The following RNF130 variants were observed in gnomAD, a reference collection of about 807,000 sequenced individuals.
The protein encoded by RNF130 is E3 ubiquitin-protein ligase RNF130.
RNF130 carries 21 observed loss-of-function variants against 44.6 expected under a neutral mutation model. That is an observed-to-expected ratio of 0.47 (90% CI 0.33 to 0.68). RNF130 has a LOEUF of 0.68. Among genes scored for constraint, RNF130 ranks in the 30% least tolerant of loss-of-function variants. The pLI is 0.02. For missense variants in RNF130, 479 were observed against 560.6 expected (o/e 0.85, Z 1.47); for synonymous variants, 214 against 210.4 (o/e 1.02, Z -0.15).
chr5:179,944,259 G>A (rs965112515), intron 7 of RNF130, among the ~76,000 whole-genome samples: 1 of 152,008 alleles, frequency 6.6e-6, no homozygotes, highest in Non-Finnish European at 1.5e-5. Flanking sequence ...GTGAGCCACC[G>A]CACCCAGCCT....
intron 7 of RNF130, among the ~76,000 whole-genome samples, chr5:179,946,324 C>T (rs991799206): frequency 6.6e-6 from 1 of 152,220 alleles, no homozygotes; most frequent in Admixed American, 6.5e-5. Flanking sequence ...AAAGAAGCCC[C>T]CACAGGGAGG....
At chr5:179,978,774 T>G (rs535557378) in intron 4 of RNF130, among the ~76,000 whole-genome samples, 1 of 152,200 alleles carries the variant, frequency 6.6e-6, no homozygotes, top group Admixed American at 6.5e-5. Context: ...GAGCTGTGAA[T>G]CTGGTCACAG....
chr5:179,937,139 G>A (rs1213509113), intron 7 of RNF130, among the ~76,000 whole-genome samples: 2 of 152,126 alleles, frequency 1.3e-5, no homozygotes, highest in Non-Finnish European at 2.9e-5. Context: ...TCATCAAAAC[G>A]AAATATCATC....
chr5:179,954,272 T>A (rs1762168283), downstream of RNF130, among the ~76,000 whole-genome samples: 1 of 152,214 alleles, frequency 6.6e-6, no homozygotes, highest in Non-Finnish European at 1.5e-5. Flanking sequence ...TGAAAATATA[T>A]GTTCAGGCCA....
chr5:180,070,419 A>G (rs1765223897), intron 1 of RNF130, among the ~76,000 whole-genome samples: 1 of 152,240 alleles, frequency 6.6e-6, no homozygotes, highest in Non-Finnish European at 1.5e-5. Context: ...CTCAAAGAAG[A>G]AAACAGCTTA....
chr5:179,931,415 T>C (rs570277321), intron 7 of RNF130, among the ~76,000 whole-genome samples: 2 of 152,304 alleles, frequency 1.3e-5, no homozygotes. Flanking sequence ...TGTAGCTTTT[T>C]TGTTTTTTGT....
chr5:179,952,561 T>C (rs187708341), downstream of RNF130, among the ~76,000 whole-genome samples: 6 of 152,312 alleles, frequency 3.9e-5, no homozygotes, highest in South Asian at 2.1e-4. Context: ...TAATTACATA[T>C]CAATATCCCT....
At chr5:180,047,569 AC>A in intron 1 of RNF130, among the ~76,000 whole-genome samples, 1 of 152,158 alleles carries the variant, frequency 6.6e-6, no homozygotes, top group East Asian at 1.9e-4. Flanking sequence ...ACATGGTGAA[AC>A]CCTGTCTCTA....
chr5:180,065,867 T>C (rs1765095162), intron 1 of RNF130, among the ~76,000 whole-genome samples: 1 of 152,226 alleles, frequency 6.6e-6, no homozygotes, highest in African/African-American at 2.4e-5. Flanking sequence ...ATTACCTTGC[T>C]TAAGCAGGTA....
At chr5:179,989,626 C>T (rs1309964758) in intron 3 of RNF130, among the ~76,000 whole-genome samples, 1 of 152,070 alleles carries the variant, frequency 6.6e-6, no homozygotes, top group Non-Finnish European at 1.5e-5. Context: ...CACTTTCAGT[C>T]GATCTGTGTG....
intron 3 of RNF130, among the ~76,000 whole-genome samples, chr5:179,988,522 A>T (rs569566755): frequency 6.6e-5 from 10 of 152,116 alleles, no homozygotes; most frequent in Admixed American, 5.9e-4. Flanking sequence ...TAATTGTCTG[A>T]TTTAGGCATT....
intron 2 of RNF130, among the ~76,000 whole-genome samples, chr5:180,035,174 A>C (rs1447363015): frequency 2.0e-5 from 3 of 152,186 alleles, no homozygotes; most frequent in Non-Finnish European, 4.4e-5. Context: ...TAAAGCTATT[A>C]ACTTTCATCT....
chr5:179,958,763 T>C (rs1762264341), intron 8 of RNF130, among the ~76,000 whole-genome samples: 1 of 152,170 alleles, frequency 6.6e-6, no homozygotes, highest in Non-Finnish European at 1.5e-5. Context: ...CTCGGCTCAC[T>C]GCAACCTTCG....
intron 2 of RNF130, among the ~76,000 whole-genome samples, chr5:180,027,018 C>T (rs192807146): frequency 6.6e-6 from 1 of 152,280 alleles, no homozygotes; most frequent in Admixed American, 6.5e-5. Flanking sequence ...GGCAATGATC[C>T]GGGTTTCTCT....
At chr5:179,940,557 G>T (rs1048306896) in intron 7 of RNF130, among the ~76,000 whole-genome samples, 2 of 151,868 alleles carry the variant, frequency 1.3e-5, no homozygotes, top group African/African-American at 2.4e-5. Flanking sequence ...ACTTTCAAAT[G>T]GTTACTTTTA....
In RNF130 at chr5:180,071,658, G is replaced by C. The variant is rs3828698; in HGVS notation, c.45C>G (p.Leu15=). ...GCCACAGGCTGCAGGTCAGCAGGGCGAGCGCGGCGAGCCGGGCAGGGCCCG... is the reference window on the plus strand; with the variant it reads ...GCCACAGGCTGCAGGTCAGCAGGGCCAGCGCGGCGAGCCGGGCAGGGCCCG... ...GRAGPARLAA[L]ALLTCSLWPA... The change falls in exon 1 of 9, where the codon CTC becomes CTG. Residue 15 remains leucine (L), a synonymous_variant. Transcript: ENST00000521389. 6.9e-7 allele frequency: 1 copy of C among 1,447,608 alleles called. No individual in the cohort carries two copies. Among genetic ancestry groups the C allele is most frequent in the East Asian group, 2.9e-5 (1 of 34,128 alleles). The allele number at this position is 1,447,608 out of a possible 1,614,324, so 89.7% of individuals were successfully genotyped here.
exon 8 of RNF130, chr5:179,912,097 T>C (rs26078): frequency 0.46 from 69,790 of 152,072 alleles, 16,642 homozygotes; most frequent in East Asian, 0.76. Flanking sequence ...CCACATTACC[T>C]GTGCTATAGT....
chr5:180,056,622 G>A lies in RNF130; in HGVS notation c.247+14834C>T, dbSNP rs143873811. 3.9e-5 allele frequency among the ~76,000 whole-genome samples: 6 copies of A among 152,308 alleles called. No individual in the cohort carries two copies. In the East Asian group the frequency reaches 1.2e-3, roughly 29 times the overall value. Reference sequence around the variant, plus strand: ...GAACCATGTTGGACACGTTGGGCTTGAAAGAAGACTCAGAGAAAGAAGACA... The same window carrying A: ...GAACCATGTTGGACACGTTGGGCTTAAAAGAAGACTCAGAGAAAGAAGACA... On this transcript the variant is annotated intron_variant, in intron 1 of 8. Coordinates refer to ENST00000521389, the MANE Select transcript of RNF130 (RefSeq NM_018434.6).
rs995711507 is a variant in RNF130, at chr5:180,021,006, G to A, written c.443-7695C>T. ...TCTAATTTTTTTTTTCTTTTGAGAC[G>A]GAGTCTCACTCTGTCGCCAGGCTGG... On this transcript the variant is annotated intron_variant, in intron 2 of 8. Coordinates refer to ENST00000521389, the MANE Select transcript of RNF130 (RefSeq NM_018434.6). 5.3e-5 allele frequency among the ~76,000 whole-genome samples: 8 copies of A among 151,902 alleles called. No individual in the cohort carries two copies. The South Asian group carries it at 6.2e-4, about 12-fold the overall frequency.
Sources: gnomAD v4.1 joint callset for allele counts (sites outside exome capture counted in the v4.1 genomes callset) on GRCh38, gnomAD v4.1.1 for gene constraint, MANE v1.5 for transcripts, NCBI Gene and HGNC (gene_info 2026-07-23, HGNC 2026-07-21) for gene names.